Variants in MAP2 observed in about 807,000 individuals in gnomAD.
MAP2 encodes microtubule associated protein 2, also known as microtubule-associated protein 2.
A neutral mutation model predicts 137.6 loss-of-function variants in MAP2; 14 were observed. The ratio of observed to expected loss-of-function variants is 0.10; its 90% confidence interval spans 0.07 to 0.16. The LOEUF (loss-of-function observed/expected upper bound fraction) is 0.16. Ranked by LOEUF, MAP2 falls within the 10% of genes least tolerant of loss-of-function variation. The pLI is 1.00. For missense variants in MAP2, 2,088 were observed against 2,191.5 expected (o/e 0.95, Z 0.94); for synonymous variants, 786 against 782.3 (o/e 1.00, Z -0.08).
In MAP2 at chr2:209,694,663, G is replaced by A. The variant is rs769262190; in HGVS notation, c.2493G>A (p.Arg831=). The A allele has an allele frequency of 1.2e-6, 2 of 1,614,154 alleles. No homozygotes were observed. The highest frequency in any genetic ancestry group is 2.2e-5 in the South Asian group (2 of 91,082). ...GTGCAGATGCTGAGGTTGCCAGGAGGAAATCAGTCCCATCAGAGACTGTGG... is the reference window on the plus strand; with the variant it reads ...GTGCAGATGCTGAGGTTGCCAGGAGAAAATCAGTCCCATCAGAGACTGTGG... ...SVSADAEVAR[R]KSVPSETVVE... is the part of the protein sequence containing the mutation. Residue 831 remains arginine, a synonymous_variant, in exon 8 of 16, where the codon AGG becomes AGA. Coordinates refer to ENST00000682079, the MANE Select transcript of MAP2 (RefSeq NM_001375505.1).
At chr2:209,723,688 G>A (rs2072449256) in intron 13 of MAP2, 3 of 1,611,524 alleles carry the variant, frequency 1.9e-6, no homozygotes, top group Non-Finnish European at 2.5e-6. Context: ...GGGCGGAAAT[G>A]TAAGTAGAAG....
chr2:209,493,652 C>T (rs2059399269), intron 1 of MAP2, among the ~76,000 whole-genome samples: 1 of 152,200 alleles, frequency 6.6e-6, no homozygotes, highest in Non-Finnish European at 1.5e-5. Flanking sequence ...CAAAGTAAGA[C>T]ATTTATGTGG....
rs750870051 is a variant in MAP2 at position 209,694,068 on chromosome 2, A to C, written c.1898A>C (p.Gln633Pro). ...GAATCCCAGCCCAGTCCTCCAGCAC[A>C]AGAAGCAGGGTACAGCACTCTCGCA... ...GKESQPSPPA[Q>P]EAGYSTLAQS... is the part of the protein sequence containing the mutation. The change falls in exon 8 of 16, where the codon CAA becomes CCA. Residue 633 changes from glutamine (Q) to proline (P), a missense_variant. Transcript: ENST00000682079. 3 of 1,613,316 alleles carry C rather than the reference A, an allele frequency of 1.9e-6. No individual in the cohort carries two copies. The highest frequency in any genetic ancestry group is 2.5e-6 in the Non-Finnish European group (3 of 1,179,744).
intron 4 of MAP2, among the ~76,000 whole-genome samples, chr2:209,640,033 A>G (rs1284828099): frequency 6.6e-6 from 1 of 152,118 alleles, no homozygotes; most frequent in Admixed American, 6.6e-5. Flanking sequence ...AACAAACAAA[A>G]CAAAAACAAA....
At chr2:209,641,917 T>C (rs1414425052) in intron 4 of MAP2, among the ~76,000 whole-genome samples, 1 of 152,170 alleles carries the variant, frequency 6.6e-6, no homozygotes, top group Non-Finnish European at 1.5e-5. Context: ...CGAGCAGGTT[T>C]ACAAAGTTAG....
intron 2 of MAP2, among the ~76,000 whole-genome samples, chr2:209,516,781 G>A (rs534475785): frequency 1.3e-5 from 2 of 152,158 alleles, no homozygotes; most frequent in Non-Finnish European, 2.9e-5. Context: ...TGTGCACTTA[G>A]GGTATCCCTT....
rs192011454 is a variant in MAP2 at position 209,488,896 on chromosome 2, T to G, written c.-221-18696T>G. ...CTTAAACGTTCCTGCCTGCCAGCTC[T>G]GAGGAGGGCAGCAGATCTCCCAGCA... On this transcript the variant is annotated intron_variant, in intron 1 of 15. Coordinates refer to ENST00000682079, the MANE Select transcript of MAP2 (RefSeq NM_001375505.1). 3.7e-3 allele frequency among the ~76,000 whole-genome samples: 560 copies of G among 152,352 alleles called. 6 individuals are homozygous for G. Among genetic ancestry groups the G allele is most frequent in the Middle Eastern group, 0.02 (6 of 294 alleles).
chr2:209,466,154 A>G (rs1282759632), intron 1 of MAP2, among the ~76,000 whole-genome samples: 1 of 152,210 alleles, frequency 6.6e-6, no homozygotes, highest in East Asian at 1.9e-4. Flanking sequence ...GGTTTGTCTC[A>G]GTTTCTTACA....
At chr2:209,635,341 G>A (rs1581511309) in intron 4 of MAP2, among the ~76,000 whole-genome samples, 1 of 152,070 alleles carries the variant, frequency 6.6e-6, no homozygotes, top group Non-Finnish European at 1.5e-5. Context: ...AATTGGCATA[G>A]CCAGTTAAAA....
At chr2:209,727,404 A>G (rs2074450271) in intron 14 of MAP2, among the ~76,000 whole-genome samples, 1 of 152,244 alleles carries the variant, frequency 6.6e-6, no homozygotes, top group Non-Finnish European at 1.5e-5. Context: ...GTAAGGATAT[A>G]GTTAGTCAAA....
intron 3 of MAP2, among the ~76,000 whole-genome samples, chr2:209,583,183 A>G (rs531642057): frequency 6.6e-6 from 1 of 151,408 alleles, no homozygotes; most frequent in Non-Finnish European, 1.5e-5. Context: ...CTATCTATCT[A>G]TCTGTCTATC....
intron 1 of MAP2, among the ~76,000 whole-genome samples, chr2:209,447,628 G>A (rs1431774582): frequency 2.6e-5 from 4 of 151,938 alleles, no homozygotes; most frequent in African/African-American, 9.6e-5. Flanking sequence ...TCATGATGAG[G>A]GTATCAATTC....
intron 2 of MAP2, 70 bp downstream of exon 2, chr2:209,507,711 T>C (rs1404897048): frequency 6.6e-6 from 1 of 152,176 alleles, no homozygotes; most frequent in Non-Finnish European, 1.5e-5. Context: ...GGTCTTTAGA[T>C]AGCTGTGTCA....
At position 209,700,305 on chromosome 2, in the gene MAP2, C is replaced by G; in HGVS notation, c.4551C>G (p.Pro1517=). The G allele has an allele frequency of 1.9e-6, 3 of 1,613,578 alleles. No homozygotes were observed. Among genetic ancestry groups the G allele is most frequent in the Non-Finnish European group, 2.5e-6 (3 of 1,179,662 alleles). The stretch of plus-strand genomic sequence containing the variant: ...CAGGTGGGGAATCAGCTCTGGCTCC[C>G]AGTGTATTTAAACAGGCAAAGGACA... ...TAAGGESALA[P]SVFKQAKDKV... is the part of the protein sequence containing the mutation. Residue 1517 remains proline (P), a synonymous_variant, in exon 11 of 16, where the codon CCC becomes CCG. Coordinates refer to ENST00000682079, the MANE Select transcript of MAP2 (RefSeq NM_001375505.1).
chr2:209,424,497 G>A (rs1691972993), intron 1 of MAP2, among the ~76,000 whole-genome samples: 1 of 152,192 alleles, frequency 6.6e-6, no homozygotes, highest in African/African-American at 2.4e-5. Context: ...GGACGCTACT[G>A]GTACCTGAGC....
chr2:209,532,131 A>G (rs1429301813), intron 2 of MAP2, among the ~76,000 whole-genome samples: 3 of 151,654 alleles, frequency 2.0e-5, no homozygotes, highest in Non-Finnish European at 4.4e-5. Context: ...CCAACTACTC[A>G]GGAGGCTGAA....
At chr2:209,648,108 T>C (rs2094526736) in intron 4 of MAP2, among the ~76,000 whole-genome samples, 1 of 103,688 alleles carries the variant, frequency 9.6e-6, no homozygotes, top group African/African-American at 5.9e-5. Context: ...TCTTGGATTT[T>C]TTTTTTTTTT....
intron 1 of MAP2, among the ~76,000 whole-genome samples, chr2:209,502,073 C>G (rs1309854957): frequency 1.3e-5 from 2 of 152,114 alleles, no homozygotes; most frequent in African/African-American, 2.4e-5. Flanking sequence ...ACATGTCTGT[C>G]TCCTCACACA....
In MAP2 at chr2:209,434,838, TATATATATATG is replaced by T. The variant is rs1559156818; in HGVS notation, c.-222+10563_-222+10573del. On this transcript the variant is annotated intron_variant, in intron 1 of 15. Transcript: ENST00000682079. Reference sequence around the variant, plus strand: ...TCCTCTCTCTCTCTCTCTCTCTATATATATATATATGTTATATATATATGTTATATATATGT... The same window carrying T: ...TCCTCTCTCTCTCTCTCTCTCTATATTTATATATATATGTTATATATATGT... Among the ~76,000 whole-genome samples, 88 of 82,826 alleles carry T rather than the reference TATATATATATG, an allele frequency of 1.1e-3. 3 individuals are homozygous for T. The highest frequency in any genetic ancestry group is 5.7e-3 in the African/African-American group (84 of 14,850). The allele number at this position is 82,826 out of a possible 152,430, so 54.3% of individuals were successfully genotyped here. A position where few individuals can be genotyped will look rare whatever the true frequency, so the allele number is the denominator to read the frequency against.
Sources: gnomAD v4.1 joint callset for allele counts (sites outside exome capture counted in the v4.1 genomes callset) on GRCh38, gnomAD v4.1.1 for gene constraint, MANE v1.5 for transcripts, NCBI Gene and HGNC (gene_info 2026-07-23, HGNC 2026-07-21) for gene names.